Variants in MIPEP observed in about 807,000 individuals in gnomAD.
MIPEP encodes the protein mitochondrial intermediate peptidase.
Under a neutral mutation model 90.3 loss-of-function variants are expected in MIPEP, and 79 were observed. The ratio of observed to expected loss-of-function variants is 0.87; its 90% CI spans 0.73 to 1.05. MIPEP has a LOEUF of 1.05. Ranked by LOEUF, MIPEP falls within the 50% of genes least tolerant of loss-of-function variation. The pLI, the probability that MIPEP is intolerant of heterozygous loss-of-function variation, is 0.00. For missense variants in MIPEP, 940 were observed against 905.6 expected (o/e 1.04, Z -0.49); for synonymous variants, 334 against 315.8 (o/e 1.06, Z -0.61).
At chr13:23,805,490 A>T (rs889446254) in intron 16 of MIPEP, among the ~76,000 whole-genome samples, 1 of 152,204 alleles carries the variant, frequency 6.6e-6, no homozygotes, top group East Asian at 1.9e-4. Context: ...AATAAATGGT[A>T]ACATTACTCC....
intron 16 of MIPEP, among the ~76,000 whole-genome samples, chr13:23,762,617 G>T (rs1158931025): frequency 1.3e-5 from 2 of 152,204 alleles, no homozygotes; most frequent in South Asian, 4.1e-4. Context: ...TGTGAGTGGT[G>T]TCCTGAAGGA....
Position 23,818,255 on chromosome 13 carries a change from T to TAA in MIPEP, c.1654-8333_1654-8332dup, listed in dbSNP as rs79782871. Among the ~76,000 whole-genome samples, 1,247 of 145,838 alleles carry TAA rather than the reference T, an allele frequency of 8.6e-3. 14 individuals are homozygous for TAA. The highest frequency in any genetic ancestry group is 0.03 in the African/African-American group (1,206 of 40,028). Reference sequence around the variant, plus strand: ...AACATGGTGAAACCCTGTATCTACTTAAAAAAAAAAAAAAATTAGCTGGGC... The same window carrying TAA: ...AACATGGTGAAACCCTGTATCTACTTAAAAAAAAAAAAAAAAATTAGCTGGGC... On this transcript the variant is annotated intron_variant, in intron 14 of 18. Coordinates refer to ENST00000382172, the MANE Select transcript of MIPEP (RefSeq NM_005932.4).
At chr13:23,843,109 A>AG (rs890800226) in intron 10 of MIPEP, among the ~76,000 whole-genome samples, 1 of 151,728 alleles carries the variant, frequency 6.6e-6, no homozygotes, top group African/African-American at 2.4e-5. Flanking sequence ...AAAAAAAAAA[A>AG]AAAAAAAAAA....
At chr13:23,764,105 C>A (rs1952572054) in intron 16 of MIPEP, among the ~76,000 whole-genome samples, 1 of 152,220 alleles carries the variant, frequency 6.6e-6, no homozygotes, top group South Asian at 2.1e-4. Context: ...ACACTTCCTT[C>A]AGGATATTTA....
At chr13:23,833,786 G>A (rs560945590) in intron 14 of MIPEP, among the ~76,000 whole-genome samples, 3 of 152,038 alleles carry the variant, frequency 2.0e-5, no homozygotes, top group South Asian at 4.1e-4. Flanking sequence ...AGTCACCCCC[G>A]CGTGTGTGTC....
At chr13:23,759,391 A>G (rs994467095) in intron 17 of MIPEP, among the ~76,000 whole-genome samples, 6 of 134,454 alleles carry the variant, frequency 4.5e-5, no homozygotes, top group African/African-American at 1.7e-4. Context: ...CCCACCAGAC[A>G]GCACAGGATC....
intron 10 of MIPEP, among the ~76,000 whole-genome samples, chr13:23,848,971 C>T (rs141768509): frequency 2.9e-3 from 446 of 152,336 alleles, no homozygotes; most frequent in Non-Finnish European, 4.5e-3. Flanking sequence ...AAGGAGCAGT[C>T]CCACATGACC....
chr13:23,787,396 C>A (rs377115023), intron 16 of MIPEP, among the ~76,000 whole-genome samples: 2 of 71,386 alleles, frequency 2.8e-5, no homozygotes, highest in African/African-American at 8.9e-5. Context: ...GAGCAAGAGA[C>A]GGGGAGAGGG....
intron 10 of MIPEP, among the ~76,000 whole-genome samples, chr13:23,855,604 T>G (rs1349209119): frequency 6.6e-6 from 1 of 152,208 alleles, no homozygotes; most frequent in East Asian, 1.9e-4. Flanking sequence ...TATGATATTT[T>G]TCCTTTCTTT....
chr13:23,841,194 GATTT>G, intron 11 of MIPEP, 137 bp downstream of exon 11: 2 of 681,744 alleles, frequency 2.9e-6, no homozygotes, highest in Non-Finnish European at 4.7e-6. Context: ...GTGCAATTTG[GATTT>G]TTTTTGTGAA....
At position 23,748,520 on chromosome 13, in the gene MIPEP, C is replaced by T. The variant is rs765603512; in HGVS notation, c.2044+8025G>A. ...AGAGAATGTCTGACTACAGGGGAAA[C>T]GAAGAGACTCTATTCATAAATGTTT... On this transcript the variant is annotated intron_variant, in intron 18 of 18. Transcript: ENST00000382172. 5.3e-5 allele frequency among the ~76,000 whole-genome samples: 8 copies of T among 152,126 alleles called. No individual in the cohort carries two copies. The East Asian group carries it at 5.8e-4, about 11-fold the overall frequency.
At chr13:23,744,868 T>C (rs555865610) in intron 18 of MIPEP, among the ~76,000 whole-genome samples, 5 of 152,238 alleles carry the variant, frequency 3.3e-5, no homozygotes, top group East Asian at 1.9e-4. Flanking sequence ...TCTATCCTAA[T>C]GTGGAATGCA....
At chr13:23,741,125 T>G (rs1413784797) in intron 18 of MIPEP, among the ~76,000 whole-genome samples, 1 of 152,134 alleles carries the variant, frequency 6.6e-6, no homozygotes, top group Non-Finnish European at 1.5e-5. Flanking sequence ...GAGATACCAT[T>G]GTACACCAGT....
chr13:23,809,520 T>G (rs1338096896), intron 15 of MIPEP, among the ~76,000 whole-genome samples: 1 of 152,068 alleles, frequency 6.6e-6, no homozygotes, highest in African/African-American at 2.4e-5. Flanking sequence ...AATTTTTGTA[T>G]TTTTAGTAGA....
At chr13:23,797,577 C>T (rs749535010) in intron 16 of MIPEP, among the ~76,000 whole-genome samples, 3 of 152,144 alleles carry the variant, frequency 2.0e-5, no homozygotes, top group Non-Finnish European at 4.4e-5. Context: ...TGCTGGCTGC[C>T]GTGAACCTCT....
At chr13:23,776,088 ACCC>A (rs999223758) in intron 16 of MIPEP, among the ~76,000 whole-genome samples, 1 of 151,722 alleles carries the variant, frequency 6.6e-6, no homozygotes, top group Non-Finnish European at 1.5e-5. Flanking sequence ...CAATCTCTGT[ACCC>A]CCCATCTATC....
intron 18 of MIPEP, among the ~76,000 whole-genome samples, chr13:23,735,830 T>G (rs1231430170): frequency 6.6e-6 from 1 of 152,120 alleles, no homozygotes; most frequent in East Asian, 1.9e-4. Flanking sequence ...CACACTGTTA[T>G]GCTAGCCCTG....
In MIPEP at chr13:23,730,451, A is replaced by G; in HGVS notation, c.2045-6T>C. 1 of 1,603,684 alleles carries G rather than the reference A, an allele frequency of 6.2e-7. No individual in the cohort carries two copies. Among genetic ancestry groups the G allele is most frequent in the African/African-American group, 1.3e-5 (1 of 74,554 alleles). On this transcript the variant is annotated splice_polypyrimidine_tract_variant and splice_region_variant and intron_variant, in intron 18 of 18. Coordinates refer to ENST00000382172, the MANE Select transcript of MIPEP (RefSeq NM_005932.4). ...AGGACACTTCTGAAGCATACCTGCA[A>G]ACAAAGGAAAGGTCAGAACTGCGTT...
At chr13:23,852,000 G>A (rs1428900591) in intron 10 of MIPEP, among the ~76,000 whole-genome samples, 1 of 152,214 alleles carries the variant, frequency 6.6e-6, no homozygotes, top group Non-Finnish European at 1.5e-5. Flanking sequence ...AGGAACTAGT[G>A]AAATGATGCC....
Sources: gnomAD v4.1 joint callset for allele counts (sites outside exome capture counted in the v4.1 genomes callset) on GRCh38, gnomAD v4.1.1 for gene constraint, MANE v1.5 for transcripts, NCBI Gene and HGNC (gene_info 2026-07-23, HGNC 2026-07-21) for gene names.